Variants in YBX3 observed in about 807,000 individuals in gnomAD.
YBX3 encodes the protein Y-box-binding protein 3.
In YBX3, 29 loss-of-function variants were observed where a neutral mutation model predicts 42.4. That is an observed-to-expected ratio of 0.68 (90% confidence interval 0.51 to 0.93). YBX3 has a LOEUF of 0.93. YBX3 is among the 40% of genes least tolerant of loss of function. The pLI is 0.00. For missense variants in YBX3, 517 were observed against 527.5 expected (o/e 0.98, Z 0.19); for synonymous variants, 195 against 189.8 (o/e 1.03, Z -0.22).
chr12:10,714,504 G>A (rs1948237199), intron 4 of YBX3, among the ~76,000 whole-genome samples: 2 of 152,196 alleles, frequency 1.3e-5, no homozygotes. Flanking sequence ...TCTGTAGCTA[G>A]TCTTCAGGAA....
intron 4 of YBX3, among the ~76,000 whole-genome samples, chr12:10,715,124 G>C (rs2120963997): frequency 6.6e-6 from 1 of 151,752 alleles, no homozygotes; most frequent in Admixed American, 6.5e-5. Flanking sequence ...ACATACCTTT[G>C]GTATAAAAAT....
rs1948357069 is a variant in YBX3 at position 10,723,239 on chromosome 12, CGGCGGCCGAGGTGGGGTCGCGCGGCGGA to C, written c.-156_-129del. 2 of 1,166,824 alleles carry C rather than the reference CGGCGGCCGAGGTGGGGTCGCGCGGCGGA, an allele frequency of 1.7e-6. No homozygotes were observed. The highest frequency in any genetic ancestry group is 1.1e-6 in the Non-Finnish European group (1 of 945,746). The allele number at this position is 1,166,824 out of a possible 1,614,324, so 72.3% of individuals were successfully genotyped here. ...GGGGCGGATCTCGCGGCGCAGGCGG[CGGCGGCCGAGGTGGGGTCGCGCGGCGGA>C]GGCGGCTCGAGCTTCGTGCTGCGCG... is the stretch of plus-strand genomic sequence containing the variant. On this transcript the variant is annotated 5_prime_UTR_variant, in exon 1 of 10. Coordinates refer to ENST00000228251, the MANE Select transcript of YBX3 (RefSeq NM_003651.5).
chr12:10,709,825 T>G, intron 6 of YBX3, 83 bp downstream of exon 6: 3 of 1,507,738 alleles, frequency 2.0e-6, no homozygotes, highest in Non-Finnish European at 2.8e-6. Context: ...TGGCAGCTGA[T>G]GTTGGAGGAG....
chr12:10,704,322 G>A, intron 6 of YBX3, 174 bp from the exon 7 acceptor site: 1 of 541,440 alleles, frequency 1.8e-6, no homozygotes, highest in South Asian at 2.9e-5. Context: ...GTGAACGACT[G>A]AAAAGGAAGA....
intron 4 of YBX3, 77 bp downstream of exon 4, chr12:10,715,617 A>C: frequency 7.7e-7 from 1 of 1,295,206 alleles, no homozygotes; most frequent in East Asian, 2.3e-5. Flanking sequence ...GTCAATTCAT[A>C]AGGGGCTGAT....
At chr12:10,719,261 G>A (rs1382604985) in intron 1 of YBX3, 118 bp from the exon 2 acceptor site, 3 of 817,248 alleles carry the variant, frequency 3.7e-6, no homozygotes, top group East Asian at 2.8e-5. Flanking sequence ...ACCATTAAAA[G>A]CTTAATTCCA....
At chr12:10,701,810 A>G in intron 8 of YBX3, 150 bp downstream of exon 8, 3 of 871,822 alleles carry the variant, frequency 3.4e-6, no homozygotes, top group Non-Finnish European at 3.5e-6. Flanking sequence ...TGTTATGTAC[A>G]AGGCATACCC....
At chr12:10,707,567 AT>A (rs1443527445) in intron 6 of YBX3, among the ~76,000 whole-genome samples, 1 of 152,228 alleles carries the variant, frequency 6.6e-6, no homozygotes, top group Admixed American at 6.5e-5. Context: ...TGAAAAGATT[AT>A]AGCAGCTGTT....
intron 5 of YBX3, 22 bp from the exon 6 acceptor site, chr12:10,710,136 GATTCAGAAGAAGTTTTAGC>G: frequency 2.5e-6 from 4 of 1,607,982 alleles, no homozygotes. Context: ...AAGAAACAGA[GATTCAGAAGAAGTTTTAGC>G]AAGGAAAGAA....
chr12:10,715,488 G>A (rs1948250136), intron 4 of YBX3, among the ~76,000 whole-genome samples: 1 of 152,012 alleles, frequency 6.6e-6, no homozygotes, highest in African/African-American at 2.4e-5. Flanking sequence ...GGAAGTTGCA[G>A]TGAACCAAGA....
intron 6 of YBX3, among the ~76,000 whole-genome samples, chr12:10,706,483 C>CA (rs1408566140): frequency 1.3e-5 from 2 of 152,248 alleles, no homozygotes; most frequent in African/African-American, 4.8e-5. Context: ...TCCAAGTTAC[C>CA]AAATCTAATA....
intron 9 of YBX3, among the ~76,000 whole-genome samples, chr12:10,699,991 C>T (rs1475300421): frequency 6.6e-6 from 1 of 152,098 alleles, no homozygotes; most frequent in African/African-American, 2.4e-5. Flanking sequence ...TCACAATTAG[C>T]TATTTACCAA....
At chr12:10,718,330 T>C in intron 2 of YBX3, 2 of 498,376 alleles carry the variant, frequency 4.0e-6, no homozygotes, top group South Asian at 3.2e-5. Context: ...ATTGCCACAG[T>C]GCTTAGATCC....
intron 6 of YBX3, among the ~76,000 whole-genome samples, chr12:10,709,686 G>T (rs1205613575): frequency 1.3e-5 from 2 of 152,204 alleles, no homozygotes; most frequent in Non-Finnish European, 2.9e-5. Context: ...GGCCATAAGG[G>T]TTCCCTATTA....
At chr12:10,714,206 A>G (rs1948233354) in intron 4 of YBX3, among the ~76,000 whole-genome samples, 1 of 152,222 alleles carries the variant, frequency 6.6e-6, no homozygotes, top group Admixed American at 6.5e-5. Flanking sequence ...ATCCAATGAA[A>G]TAAATTGTTT....
intron 5 of YBX3, 65 bp downstream of exon 5, chr12:10,713,146 A>G: frequency 6.5e-7 from 1 of 1,529,326 alleles, no homozygotes; most frequent in Non-Finnish European, 8.8e-7. Context: ...TGCTCCAAGT[A>G]CATACACTTA....
chr12:10,713,853 T>C (rs1292248336), intron 4 of YBX3, among the ~76,000 whole-genome samples: 1 of 152,246 alleles, frequency 6.6e-6, no homozygotes, highest in East Asian at 1.9e-4. Flanking sequence ...ATGAATAATA[T>C]TCTCCACACA....
At position 10,723,234 on chromosome 12, in the gene YBX3, GGCGGCGGCGGCCGAGGTGGGGTCGC is replaced by G. The variant is rs1184659837; in HGVS notation, c.-148_-124del. On this transcript the variant is annotated 5_prime_UTR_variant, in exon 1 of 10. Transcript: ENST00000228251. ...AGGCCGGGGCGGATCTCGCGGCGCA[GGCGGCGGCGGCCGAGGTGGGGTCGC>G]GCGGCGGAGGCGGCTCGAGCTTCGT... The G allele has an allele frequency of 1.7e-6, 2 of 1,161,388 alleles. No individual in the cohort carries two copies. The highest frequency in any genetic ancestry group is 7.9e-5 in the East Asian group (2 of 25,350). The allele number at this position is 1,161,388 out of a possible 1,614,324, so 71.9% of individuals were successfully genotyped here.
chr12:10,701,891 T>A (rs1948083646), intron 8 of YBX3, 69 bp downstream of exon 8: 2 of 1,521,492 alleles, frequency 1.3e-6, no homozygotes, highest in South Asian at 2.6e-5. Context: ...TAAAACCACT[T>A]TTAGAATGCT....
Sources: allele counts gnomAD v4.1 joint callset (sites outside exome capture counted in the v4.1 genomes callset), GRCh38; gene constraint gnomAD v4.1.1; transcripts MANE v1.5; gene names NCBI Gene and HGNC (gene_info 2026-07-23, HGNC 2026-07-21).